Variants in MAP7 observed in about 807,000 individuals in gnomAD.
MAP7 encodes microtubule associated protein 7, also known as ensconsin.
A neutral mutation model predicts 94.8 loss-of-function variants in MAP7; 52 were observed. The ratio of observed to expected loss-of-function variants is 0.55; its 90% CI spans 0.44 to 0.69. MAP7 has a LOEUF of 0.69. MAP7 is among the 30% of genes least tolerant of loss of function. The pLI, the probability that MAP7 is intolerant of heterozygous loss-of-function variation, is 0.00. For missense variants in MAP7, 940 were observed against 964.6 expected (o/e 0.97, Z 0.34); for synonymous variants, 350 against 357.0 (o/e 0.98, Z 0.22).
chr6:136,518,976 A>G (rs1429135136), intron 1 of MAP7, among the ~76,000 whole-genome samples: 1 of 152,206 alleles, frequency 6.6e-6, no homozygotes, highest in Non-Finnish European at 1.5e-5. Flanking sequence ...TACACTTTAT[A>G]TTGTACCTCA....
chr6:136,496,198 G>A (rs1400552237), intron 1 of MAP7, among the ~76,000 whole-genome samples: 2 of 152,204 alleles, frequency 1.3e-5, no homozygotes, highest in Non-Finnish European at 2.9e-5. Flanking sequence ...TTCCCCCAGG[G>A]GAAGAAAAGA....
intron 11 of MAP7, among the ~76,000 whole-genome samples, chr6:136,361,688 A>C (rs1562311969): frequency 6.6e-6 from 1 of 152,234 alleles, no homozygotes; most frequent in Non-Finnish European, 1.5e-5. Context: ...TGTTCGTTTG[A>C]AGAACAATTA....
At chr6:136,514,933 C>T (rs1248526169) in intron 1 of MAP7, among the ~76,000 whole-genome samples, 3 of 152,232 alleles carry the variant, frequency 2.0e-5, no homozygotes, top group Non-Finnish European at 4.4e-5. Flanking sequence ...TCAGCCTGTT[C>T]TTCGAAGCCA....
intron 1 of MAP7, among the ~76,000 whole-genome samples, chr6:136,509,568 G>GT (rs965686156): frequency 8.6e-5 from 13 of 151,376 alleles, no homozygotes; most frequent in East Asian, 3.9e-4. Flanking sequence ...TTTTGTTTTT[G>GT]TTTTTTTTGA....
At chr6:136,348,799 G>T (rs1490768285) in intron 16 of MAP7, among the ~76,000 whole-genome samples, 1 of 152,066 alleles carries the variant, frequency 6.6e-6, no homozygotes, top group African/African-American at 2.4e-5. Context: ...ATGAACTCAA[G>T]ATTTGGAGGG....
chr6:136,383,645 CTTT>C (rs1201035200), intron 6 of MAP7, 23 bp downstream of exon 6: 5 of 1,302,654 alleles, frequency 3.8e-6, no homozygotes, highest in Non-Finnish European at 5.3e-6. Flanking sequence ...ATAACAGACA[CTTT>C]TTTGTTTTCC....
chr6:136,381,614 A>G (rs1777756625), intron 6 of MAP7, among the ~76,000 whole-genome samples: 1 of 152,004 alleles, frequency 6.6e-6, no homozygotes, highest in Admixed American at 6.6e-5. Flanking sequence ...TTCCTAGACA[A>G]TATATGGGAG....
At chr6:136,508,904 T>A (rs1190189866) in intron 1 of MAP7, among the ~76,000 whole-genome samples, 1 of 152,126 alleles carries the variant, frequency 6.6e-6, no homozygotes, top group Admixed American at 6.5e-5. Context: ...ACAGTAAGTG[T>A]CAGAAGAATG....
chr6:136,434,488 A>C (rs1038286176), intron 1 of MAP7, among the ~76,000 whole-genome samples: 1 of 152,108 alleles, frequency 6.6e-6, no homozygotes, highest in African/African-American at 2.4e-5. Flanking sequence ...TCAGGCCAGG[A>C]AAAAGGGATT....
chr6:136,482,744 A>G (rs553399851), intron 1 of MAP7, among the ~76,000 whole-genome samples: 56 of 152,310 alleles, frequency 3.7e-4, no homozygotes, highest in Non-Finnish European at 7.4e-4. Context: ...CCATTCCAGC[A>G]CATTGTTGGT....
At chr6:136,490,738 T>C (rs932156404) in intron 1 of MAP7, among the ~76,000 whole-genome samples, 1 of 152,174 alleles carries the variant, frequency 6.6e-6, no homozygotes, top group Non-Finnish European at 1.5e-5. Flanking sequence ...TATGTGCCTG[T>C]CTCCCCAGCT....
At chr6:136,526,259 A>G in intron 1 of MAP7, 1 of 1,124,530 alleles carries the variant, frequency 8.9e-7, no homozygotes, top group Non-Finnish European at 1.1e-6. Flanking sequence ...CGGCTCATGC[A>G]TGCACGTACA....
chr6:136,378,850 C>T (rs1776963370), intron 6 of MAP7, among the ~76,000 whole-genome samples: 1 of 152,158 alleles, frequency 6.6e-6, no homozygotes, highest in Non-Finnish European at 1.5e-5. Context: ...GAAGTGATTA[C>T]ATATCTTTGT....
Position 136,550,098 on chromosome 6 carries a change from G to A in MAP7, c.67+244C>T, listed in dbSNP as rs1374910744. 6.6e-6 allele frequency among the ~76,000 whole-genome samples: 1 copy of A among 151,306 alleles called. No individual in the cohort carries two copies. Among genetic ancestry groups the A allele is most frequent in the African/African-American group, 2.4e-5 (1 of 41,334 alleles). Reference sequence around the variant, plus strand: ...CACCTGTTGCGGGAAAGTCGCGGTGGAGCGCCCGAGGGCGGCCGCAACCCC... The same window carrying A: ...CACCTGTTGCGGGAAAGTCGCGGTGAAGCGCCCGAGGGCGGCCGCAACCCC... On this transcript the variant is annotated intron_variant, in intron 1 of 17. Transcript: ENST00000354570. The surrounding 1 kb of genome is among the most constrained non-coding windows in gnomAD (Gnocchi z 5.1).
rs1554259490 is a variant in MAP7 at position 136,456,822 on chromosome 6, G to GAAGAAGAAGAAGGAA, written c.68-35024_68-35023insTTCCTTCTTCTTCTT. ...AGAAGAAGAAGAAGAAGAAGAAGAA[G>GAAGAAGAAGAAGGAA]GAAGAAGAAGAAGAAGAAGAAGAAG... On this transcript the variant is annotated intron_variant, in intron 1 of 17. Transcript: ENST00000354570. Among the ~76,000 whole-genome samples, 115 of 68,932 alleles carry GAAGAAGAAGAAGGAA rather than the reference G, an allele frequency of 1.7e-3. 1 individual carries two copies. Among genetic ancestry groups the GAAGAAGAAGAAGGAA allele is most frequent in the Middle Eastern group, 8.2e-3 (1 of 122 alleles). 45.2% of individuals were successfully genotyped at this position (68,932 alleles called of 152,430 possible). A position where few individuals can be genotyped will look rare whatever the true frequency, so the allele number is the denominator to read the frequency against.
rs536187917 is a variant in MAP7 at position 136,498,229 on chromosome 6, T to C, written c.67+52113A>G. ...CAAAGAAAGAATCCTATATTTAGAT[T>C]TGCACACTGTAAAGTTAAACCCATC... On this transcript the variant is annotated intron_variant, in intron 1 of 17. Transcript: ENST00000354570. 3.0e-4 allele frequency among the ~76,000 whole-genome samples: 45 copies of C among 152,170 alleles called. No homozygotes were observed. In the South Asian group the frequency reaches 8.9e-3, roughly 30 times the overall value.
At chr6:136,376,940 T>C (rs1316988247) in intron 7 of MAP7, among the ~76,000 whole-genome samples, 1 of 152,168 alleles carries the variant, frequency 6.6e-6, no homozygotes, top group Admixed American at 6.5e-5. Flanking sequence ...TGAGGGCTAG[T>C]AGACTGTTTA....
intron 16 of MAP7, among the ~76,000 whole-genome samples, chr6:136,349,252 A>G (rs1788487033): frequency 6.6e-6 from 1 of 152,244 alleles, no homozygotes; most frequent in Non-Finnish European, 1.5e-5. Flanking sequence ...AAGGGCATAT[A>G]TAATATTCAT....
intron 1 of MAP7, among the ~76,000 whole-genome samples, chr6:136,503,994 T>C (rs1041114350): frequency 6.6e-6 from 1 of 152,178 alleles, no homozygotes; most frequent in Non-Finnish European, 1.5e-5. Context: ...AGTTGGGGAA[T>C]AGTAAATAAA....
Sources: allele counts gnomAD v4.1 joint callset (sites outside exome capture counted in the v4.1 genomes callset), GRCh38; gene constraint gnomAD v4.1.1; non-coding constraint Gnocchi (gnomAD v3.1); transcripts MANE v1.5; gene names NCBI Gene and HGNC (gene_info 2026-07-23, HGNC 2026-07-21).